CENPH: variants seen among roughly 807,000 people sequenced by gnomAD.
CENPH encodes the protein CENP-H.
CENPH carries 40 observed loss-of-function variants against 42.9 expected under a neutral mutation model. The observed-to-expected ratio is 0.93, with a 90% CI of 0.72 to 1.21. The LOEUF (loss-of-function observed/expected upper bound fraction) is 1.21. Ranked by LOEUF, CENPH falls within the 50% of genes most tolerant of loss-of-function variation. The pLI, the probability that CENPH is intolerant of heterozygous loss-of-function variation, is 0.00. For missense variants in CENPH, 302 were observed against 292.9 expected (o/e 1.03, Z -0.23); for synonymous variants, 88 against 96.5 (o/e 0.91, Z 0.52).
intron 5 of CENPH, among the ~76,000 whole-genome samples, chr5:69,200,352 A>G (rs1270004339): frequency 1.3e-5 from 2 of 152,190 alleles, no homozygotes; most frequent in African/African-American, 4.8e-5. Context: ...TTCTAACTAG[A>G]GATGATCCAC....
chr5:69,207,467 G>A (rs2112096898), intron 7 of CENPH, among the ~76,000 whole-genome samples: 1 of 151,680 alleles, frequency 6.6e-6, no homozygotes, highest in South Asian at 2.1e-4. Flanking sequence ...GGGATTACAG[G>A]TGTGAGCCAC....
In CENPH at chr5:69,190,058, C is replaced by G. The variant is rs779254796; in HGVS notation, c.134+290C>G. 3.3e-5 allele frequency among the ~76,000 whole-genome samples: 5 copies of G among 152,292 alleles called. No homozygotes were observed. The South Asian group carries it at 8.3e-4, about 25-fold the overall frequency. ...TCTCCTCCTGTTTCCCCGCCCTCCCCCTACCTCTCTGGTTTACAGACAAAT... is the reference window on the plus strand; with the variant it reads ...TCTCCTCCTGTTTCCCCGCCCTCCCGCTACCTCTCTGGTTTACAGACAAAT... On this transcript the variant is annotated intron_variant, in intron 1 of 8. Coordinates refer to ENST00000283006, the MANE Select transcript of CENPH (RefSeq NM_022909.4).
chr5:69,196,199 A>G (rs904732127), intron 4 of CENPH, among the ~76,000 whole-genome samples: 1 of 152,016 alleles, frequency 6.6e-6, no homozygotes, highest in Non-Finnish European at 1.5e-5. Flanking sequence ...AGCCTCCCCA[A>G]AATGCTGGGA....
intron 7 of CENPH, among the ~76,000 whole-genome samples, chr5:69,207,459 G>T (rs1269747699): frequency 2.0e-5 from 3 of 150,646 alleles, no homozygotes. Context: ...AAAGTGCTGG[G>T]ATTACAGGTG....
At chr5:69,200,958 G>A (rs554843696) in intron 5 of CENPH, among the ~76,000 whole-genome samples, 3 of 150,710 alleles carry the variant, frequency 2.0e-5, no homozygotes, top group South Asian at 2.1e-4. Flanking sequence ...GGCTAGTCTC[G>A]AGCTTCTGAC....
intron 5 of CENPH, among the ~76,000 whole-genome samples, chr5:69,201,845 G>C (rs1023285165): frequency 6.6e-6 from 1 of 152,144 alleles, no homozygotes; most frequent in Non-Finnish European, 1.5e-5. Context: ...GTGGCAGAGC[G>C]AGACCCTGTC....
chr5:69,193,494 A>G (rs1747913014), intron 2 of CENPH, among the ~76,000 whole-genome samples: 2 of 151,930 alleles, frequency 1.3e-5, no homozygotes, highest in African/African-American at 4.8e-5. Flanking sequence ...ATGTGGTACC[A>G]TGTGCCTGTA....
intron 7 of CENPH, 97 bp from the exon 8 acceptor site, chr5:69,208,099 C>A: frequency 3.3e-6 from 2 of 608,206 alleles, no homozygotes; most frequent in Non-Finnish European, 5.2e-6. Context: ...TTTCTCTTGA[C>A]TAAAATAACC....
chr5:69,189,730 G>A lies in CENPH; in HGVS notation c.96G>A (p.Gln32=), dbSNP rs747869164. The A allele has an allele frequency of 3.9e-6, 6 of 1,556,232 alleles. No individual in the cohort carries two copies. The Admixed American group carries it at 1.2e-4, about 30-fold the overall frequency. ...AGGPPQVAGA[Q]AACSEDRMTL... The stretch of plus-strand genomic sequence containing the variant: ...GGCCACCGCAGGTCGCCGGCGCCCA[G>A]GCGGCGTGCAGCGAGGACCGCATGA... The change falls in exon 1 of 9, where the codon CAG becomes CAA. Residue 32 remains glutamine (Q), a synonymous_variant. Transcript: ENST00000283006.
chr5:69,198,105 A>G (rs1467328724), intron 5 of CENPH, among the ~76,000 whole-genome samples: 1 of 151,700 alleles, frequency 6.6e-6, no homozygotes, highest in East Asian at 1.9e-4. Context: ...TATTTTTAGT[A>G]GAGACGGGCT....
intron 8 of CENPH, among the ~76,000 whole-genome samples, chr5:69,208,885 C>T (rs1426241389): frequency 6.6e-6 from 1 of 151,302 alleles, no homozygotes; most frequent in Non-Finnish European, 1.5e-5. Context: ...GCAACCTCCT[C>T]CTGGGTTCAA....
chr5:69,200,885 A>C (rs1748049746), intron 5 of CENPH, among the ~76,000 whole-genome samples: 1 of 150,870 alleles, frequency 6.6e-6, no homozygotes, highest in Non-Finnish European at 1.5e-5. Context: ...TTACAGACAC[A>C]CACCATCACA....
At chr5:69,198,948 CAA>C (rs11330266) in intron 5 of CENPH, among the ~76,000 whole-genome samples, 42 of 147,008 alleles carry the variant, frequency 2.9e-4, no homozygotes, top group African/African-American at 5.0e-4. Flanking sequence ...ATCTCAAAAA[CAA>C]AAAAAAAAAA....
chr5:69,208,043 T>A lies in CENPH; in HGVS notation c.488-153T>A, dbSNP rs560938622. 4 of 446,320 alleles carry A rather than the reference T, an allele frequency of 9.0e-6. No individual in the cohort carries two copies. The South Asian group carries it at 1.7e-4, about 19-fold the overall frequency. The allele number at this position is 446,320 out of a possible 1,614,324, so 27.6% of individuals were successfully genotyped here. ...TTATTTTGCACCAGGGAAGTCATTT[T>A]CAGATCGTAATAAAGTTGCAACCTA... On this transcript the variant is annotated intron_variant, in intron 7 of 8. Transcript: ENST00000283006.
intron 5 of CENPH, among the ~76,000 whole-genome samples, chr5:69,201,839 C>G (rs1012014037): frequency 3.9e-5 from 6 of 152,148 alleles, no homozygotes; most frequent in African/African-American, 1.2e-4. Context: ...GCCTGGGTGG[C>G]AGAGCGAGAC....
chr5:69,205,210 G>C (rs1050133968), intron 7 of CENPH, among the ~76,000 whole-genome samples: 1 of 151,780 alleles, frequency 6.6e-6, no homozygotes, highest in African/African-American at 2.4e-5. Context: ...GAGCCACCTC[G>C]CCTGGCCAAC....
chr5:69,208,618 C>T (rs1333988152), intron 8 of CENPH, among the ~76,000 whole-genome samples: 3 of 151,978 alleles, frequency 2.0e-5, no homozygotes, highest in Non-Finnish European at 4.4e-5. Context: ...CTCAGCCTCC[C>T]AAAGTGCTGG....
intron 1 of CENPH, 77 bp downstream of exon 1, chr5:69,189,845 A>G: frequency 1.4e-6 from 2 of 1,390,074 alleles, no homozygotes; most frequent in South Asian, 1.5e-5. Flanking sequence ...CAGAAGGGCT[A>G]GGGTTCGAAT....
At chr5:69,202,811 CTG>C in intron 6 of CENPH, 106 bp from the exon 7 acceptor site, 1 of 710,658 alleles carries the variant, frequency 1.4e-6, no homozygotes, top group South Asian at 2.0e-5. Flanking sequence ...GAATTGAAAA[CTG>C]GAACTTTAGA....
Sources: gnomAD v4.1 joint callset for allele counts (sites outside exome capture counted in the v4.1 genomes callset) on GRCh38, gnomAD v4.1.1 for gene constraint, MANE v1.5 for transcripts, NCBI Gene and HGNC (gene_info 2026-07-23, HGNC 2026-07-21) for gene names.